PARK7: variants seen among roughly 807,000 people sequenced by gnomAD.
PARK7 encodes the protein Parkinson disease protein 7.
PARK7 carries 14 observed loss-of-function variants against 20.5 expected under a neutral mutation model. The observed-to-expected ratio is 0.68, with a 90% CI of 0.45 to 1.07. PARK7 has a LOEUF of 1.07. Among genes scored for constraint, PARK7 ranks in the 50% least tolerant of loss-of-function variants. The probability of loss-of-function intolerance (pLI) is 0.00; values close to 1 mark genes in which losing one functional copy is unlikely to be tolerated. For synonymous variants in PARK7, 98 were observed against 84.3 expected, an observed-to-expected ratio of 1.16 and a Z score of -0.89; for missense variants, 234 against 238.1, an observed-to-expected ratio of 0.98 and a Z score of 0.11.
rs967278165 is a variant in PARK7, at chr1:7,985,200, A to G, written c.*146A>G. On this transcript the variant is annotated 3_prime_UTR_variant, in exon 7 of 7. Coordinates refer to ENST00000338639, the MANE Select transcript of PARK7 (RefSeq NM_007262.5). Reference sequence around the variant, plus strand: ...TTGCGGAAGTATGGAAGTCACAACTACACAGAGATTTCTCAGCCTACAAAT... The same window carrying G: ...TTGCGGAAGTATGGAAGTCACAACTGCACAGAGATTTCTCAGCCTACAAAT... The G allele has an allele frequency of 1.9e-6, 2 of 1,065,220 alleles. No individual in the cohort carries two copies. Among genetic ancestry groups the G allele is most frequent in the Non-Finnish European group, 2.8e-6 (2 of 722,612 alleles). 66.0% of individuals were successfully genotyped at this position (1,065,220 alleles called of 1,614,324 possible).
chr1:7,962,759 T>TTA lies in PARK7; in HGVS notation c.-23-4_-23-3insTA. On this transcript the variant is annotated splice_polypyrimidine_tract_variant and splice_region_variant and intron_variant, in intron 1 of 6. Transcript: ENST00000338639. ...TGAAATCTTTTTTTTTTTTTTTTTT[T>TTA]AAGGCTTGTAAACATATAACATAAA... 1 of 1,449,658 alleles carries TTA rather than the reference T, an allele frequency of 6.9e-7. No individual in the cohort carries two copies. The allele number at this position is 1,449,658 out of a possible 1,614,324, so 89.8% of individuals were successfully genotyped here. A position where few individuals can be genotyped will look rare whatever the true frequency, so the allele number is the denominator to read the frequency against.
At chr1:7,970,678 T>C (rs896334557) in intron 4 of PARK7, among the ~76,000 whole-genome samples, 1 of 152,184 alleles carries the variant, frequency 6.6e-6, no homozygotes, top group Non-Finnish European at 1.5e-5. Context: ...TGTGGAAGAG[T>C]GCGTTTCTCT....
rs779841484 is a variant in PARK7 at position 7,984,860 on chromosome 1, T to TTAGG, written c.410-33_410-30dup. 4.3e-6 allele frequency: 7 copies of TTAGG among 1,613,164 alleles called. No homozygotes were observed. Among genetic ancestry groups the TTAGG allele is most frequent in the East Asian group, 4.5e-5 (2 of 44,892 alleles). On this transcript the variant is annotated intron_variant, in intron 6 of 6. Coordinates refer to ENST00000338639, the MANE Select transcript of PARK7 (RefSeq NM_007262.5). This position sits in a 1 kb window ranked among gnomAD's most constrained non-coding sequence, Gnocchi z 4.3. ...ATCGTCTTTCTCGTCACATAGCCCATTAGGATGTCACCTTTTCTGTTTCTA... is the reference window on the plus strand; with the variant it reads ...ATCGTCTTTCTCGTCACATAGCCCATTAGGTAGGATGTCACCTTTTCTGTTTCTA...
chr1:7,974,850 CTTTTTT>C (rs547673963), intron 5 of PARK7, among the ~76,000 whole-genome samples: 1 of 125,608 alleles, frequency 8.0e-6, no homozygotes, highest in Non-Finnish European at 1.7e-5. Context: ...AAATAAGATT[CTTTTTT>C]TTTTTTTTTT....
Position 7,980,115 on chromosome 1 carries a change from C to T in PARK7, c.409+2377C>T, listed in dbSNP as rs577564893. Among the ~76,000 whole-genome samples, 87 of 147,096 alleles carry T rather than the reference C, an allele frequency of 5.9e-4. 1 individual carries two copies. In the South Asian group the frequency reaches 0.015, roughly 25 times the overall value. On this transcript the variant is annotated intron_variant, in intron 6 of 6. Transcript: ENST00000338639. The stretch of plus-strand genomic sequence containing the variant: ...GGTGGAGCTTGCAGTGAGCTGAGAT[C>T]GTGCCACTGCACTCCAGCCTGGGCA...
intron 6 of PARK7, among the ~76,000 whole-genome samples, chr1:7,978,432 G>T (rs1283193209): frequency 2.1e-5 from 3 of 141,698 alleles, no homozygotes; most frequent in African/African-American, 7.9e-5. Context: ...TCGCTCTGTT[G>T]CCCAGGCTGG....
At chr1:7,973,840 G>A (rs554028684) in intron 5 of PARK7, among the ~76,000 whole-genome samples, 14 of 151,536 alleles carry the variant, frequency 9.2e-5, no homozygotes, top group Non-Finnish European at 1.3e-4. Context: ...CCCGGGAGGC[G>A]GAGATTGCAG....
chr1:7,978,561 A>G (rs1338260627), intron 6 of PARK7, among the ~76,000 whole-genome samples: 1 of 152,114 alleles, frequency 6.6e-6, no homozygotes, highest in African/African-American at 2.4e-5. Context: ...AGTTTCTTGT[A>G]GACTGGGCAC....
At position 7,985,419 on chromosome 1, in the gene PARK7, G is replaced by A; in HGVS notation, c.*365G>A. On this transcript the variant is annotated 3_prime_UTR_variant, in exon 7 of 7. Transcript: ENST00000338639. The stretch of plus-strand genomic sequence containing the variant: ...ACATTTTACACAGCAAGGAGGAAAG[G>A]CATACAAACAGAATTTAAGAGGCTT... 3.2e-6 allele frequency: 1 copy of A among 307,764 alleles called. No homozygotes were observed. Among genetic ancestry groups the A allele is most frequent in the Non-Finnish European group, 6.3e-6 (1 of 158,010 alleles). 19.1% of individuals were successfully genotyped at this position (307,764 alleles called of 1,614,324 possible).
At chr1:7,981,086 A>C (rs536097725) in intron 6 of PARK7, among the ~76,000 whole-genome samples, 4 of 151,940 alleles carry the variant, frequency 2.6e-5, no homozygotes, top group Non-Finnish European at 5.9e-5. Context: ...TCATTTGTCC[A>C]CTGTTTGATG....
At chr1:7,979,942 G>A (rs371077518) in intron 6 of PARK7, among the ~76,000 whole-genome samples, 1 of 152,084 alleles carries the variant, frequency 6.6e-6, no homozygotes, top group Admixed American at 6.6e-5. Flanking sequence ...GGTAGATCAC[G>A]AGGTCAGGAG....
chr1:7,972,194 G>A (rs941096359), intron 5 of PARK7, among the ~76,000 whole-genome samples: 1 of 152,206 alleles, frequency 6.6e-6, no homozygotes, highest in African/African-American at 2.4e-5. Context: ...AGGTGTGGTG[G>A]CTCATGCCTG....
chr1:7,970,537 G>C (rs1227814782), intron 4 of PARK7, among the ~76,000 whole-genome samples: 1 of 152,142 alleles, frequency 6.6e-6, no homozygotes, highest in Non-Finnish European at 1.5e-5. Context: ...CAGACACAAG[G>C]GATCTTTTCC....
In PARK7 at chr1:7,977,654, C is replaced by T. The variant is rs757792657; in HGVS notation, c.325C>T (p.Pro109Ser). Residue 109 changes from proline to serine, a missense_variant and splice_region_variant, in exon 6 of 7, where the codon CCT (proline) becomes TCT (serine). By Grantham distance (74) the Pro-to-Ser change is moderately conservative. Coordinates refer to ENST00000338639, the MANE Select transcript of PARK7 (RefSeq NM_007262.5). ...KGLIAAICAG[P>S]TALLAHEIGF... ...GATCTTTTTATTTTTATTCTTAGGT[C>T]CTACTGCTCTGTTGGCTCATGAAAT... The T allele has an allele frequency of 1.4e-5, 22 of 1,613,122 alleles. No homozygotes were observed. In the African/African-American group the frequency reaches 2.5e-4, roughly 19 times the overall value.
intron 5 of PARK7, among the ~76,000 whole-genome samples, chr1:7,973,839 C>T (rs1319407304): frequency 1.1e-4 from 16 of 148,330 alleles, no homozygotes; most frequent in South Asian, 4.3e-4. Flanking sequence ...ACCCGGGAGG[C>T]GGAGATTGCA....
chr1:7,964,271 G>C (rs761433127), intron 2 of PARK7, among the ~76,000 whole-genome samples: 3 of 152,168 alleles, frequency 2.0e-5, no homozygotes, highest in Non-Finnish European at 4.4e-5. Flanking sequence ...ACAATGTCGT[G>C]AGTTAGATAT....
At chr1:7,978,905 A>T (rs562499243) in intron 6 of PARK7, among the ~76,000 whole-genome samples, 1 of 151,398 alleles carries the variant, frequency 6.6e-6, no homozygotes, top group African/African-American at 2.4e-5. Flanking sequence ...TCACATACTC[A>T]TTATCCTTTT....
intron 3 of PARK7, among the ~76,000 whole-genome samples, chr1:7,968,223 G>A (rs1013477651): frequency 6.7e-6 from 1 of 148,730 alleles, no homozygotes; most frequent in South Asian, 2.1e-4. Flanking sequence ...CAGGAGAATC[G>A]CTTGAATCCG....
chr1:7,984,472 G>A lies in PARK7; in HGVS notation c.410-422G>A, dbSNP rs1243059357. On this transcript the variant is annotated intron_variant, in intron 6 of 6. Coordinates refer to ENST00000338639, the MANE Select transcript of PARK7 (RefSeq NM_007262.5). The surrounding 1 kb of genome is among the most constrained non-coding windows in gnomAD (Gnocchi z 4.3). ...TACGTTGTGCTGTGGTTGTTTTTGA[G>A]GCATCAGAGGGTGTGCGTGCCGCCA... is the stretch of plus-strand genomic sequence containing the variant. Among the ~76,000 whole-genome samples the A allele has an allele frequency of 1.3e-5, 2 of 152,230 alleles. No individual in the cohort carries two copies. The highest frequency in any genetic ancestry group is 2.9e-5 in the Non-Finnish European group (2 of 68,044).
Sources: allele counts gnomAD v4.1 joint callset (sites outside exome capture counted in the v4.1 genomes callset), GRCh38; gene constraint gnomAD v4.1.1; non-coding constraint Gnocchi (gnomAD v3.1); transcripts MANE v1.5; gene names NCBI Gene and HGNC (gene_info 2026-07-23, HGNC 2026-07-21).